The following C1orf21 variants were observed in gnomAD, a reference collection of about 807,000 sequenced individuals.
C1orf21 encodes chromosome 1 open reading frame 21.
Under a neutral mutation model 18.7 loss-of-function variants are expected in C1orf21, and 3 were observed. The ratio of observed to expected loss-of-function variants is 0.16; its 90% confidence interval spans 0.07 to 0.42. The LOEUF is 0.42. C1orf21 is among the 10% of genes least tolerant of loss of function. The probability of loss-of-function intolerance (pLI) is 0.99; values close to 1 mark genes in which losing one functional copy is unlikely to be tolerated. For missense variants in C1orf21, 104 were observed against 143.6 expected (o/e 0.72, Z 1.41); for synonymous variants, 41 against 46.4 (o/e 0.88, Z 0.47).
chr1:184,580,177 T>A (rs893792057), intron 3 of C1orf21, among the ~76,000 whole-genome samples: 2 of 152,228 alleles, frequency 1.3e-5, no homozygotes, highest in African/African-American at 4.8e-5. Flanking sequence ...TCACTTTTGC[T>A]TTATGTAGAC....
chr1:184,566,456 A>G, intron 3 of C1orf21: 1 of 239,764 alleles, frequency 4.2e-6, no homozygotes, highest in South Asian at 7.0e-5. Context: ...CGCCATATAT[A>G]TGAACTTGTT....
intron 3 of C1orf21, among the ~76,000 whole-genome samples, chr1:184,573,447 C>G (rs1020934862): frequency 6.6e-6 from 1 of 152,188 alleles, no homozygotes; most frequent in African/African-American, 2.4e-5. Context: ...GCCGAAGATT[C>G]ATTTGATGAA....
chr1:184,561,160 A>G (rs186759028), intron 3 of C1orf21, among the ~76,000 whole-genome samples: 2 of 152,326 alleles, frequency 1.3e-5, no homozygotes, highest in East Asian at 3.9e-4. Flanking sequence ...GGATTTGCCT[A>G]GCCCAACCTA....
intron 3 of C1orf21, among the ~76,000 whole-genome samples, chr1:184,558,327 C>T (rs573730331): frequency 6.6e-6 from 1 of 152,240 alleles, no homozygotes; most frequent in East Asian, 1.9e-4. Context: ...TTCTATGGCC[C>T]TGATTTGTGT....
chr1:184,616,980 G>A (rs1659836478), intron 5 of C1orf21, among the ~76,000 whole-genome samples: 1 of 152,158 alleles, frequency 6.6e-6, no homozygotes, highest in South Asian at 2.1e-4. Context: ...GACAGCTTAT[G>A]GTCATAGTCC....
intron 1 of C1orf21, among the ~76,000 whole-genome samples, chr1:184,476,390 A>G (rs1264638033): frequency 6.6e-6 from 1 of 152,162 alleles, no homozygotes; most frequent in Non-Finnish European, 1.5e-5. Context: ...AGGGATGGAA[A>G]CAAAGGAATG....
intron 5 of C1orf21, among the ~76,000 whole-genome samples, chr1:184,613,925 T>G (rs560610773): frequency 1.8e-4 from 28 of 151,944 alleles, no homozygotes; most frequent in Non-Finnish European, 3.5e-4. Context: ...GAAAATTGCT[T>G]GAACCTGGGA....
chr1:184,614,420 T>C (rs1659787058), intron 5 of C1orf21, among the ~76,000 whole-genome samples: 1 of 152,208 alleles, frequency 6.6e-6, no homozygotes, highest in Non-Finnish European at 1.5e-5. Flanking sequence ...GATGTGTGTA[T>C]TGGGCTGAAT....
At chr1:184,432,746 A>G (rs1217512151) in intron 1 of C1orf21, among the ~76,000 whole-genome samples, 1 of 152,198 alleles carries the variant, frequency 6.6e-6, no homozygotes, top group African/African-American at 2.4e-5. Context: ...TGCAAAATTT[A>G]TAGGCTTTTT....
intron 1 of C1orf21, among the ~76,000 whole-genome samples, chr1:184,397,142 A>C (rs1222739496): frequency 6.6e-6 from 1 of 152,194 alleles, no homozygotes; most frequent in East Asian, 1.9e-4. Context: ...TCTGTCAAAG[A>C]AAAGGGAGGA....
At chr1:184,604,595 C>T (rs1390246378) in intron 5 of C1orf21, among the ~76,000 whole-genome samples, 1 of 152,218 alleles carries the variant, frequency 6.6e-6, no homozygotes, top group Non-Finnish European at 1.5e-5. Flanking sequence ...CCTCATTCTT[C>T]AGCCAAATTA....
chr1:184,444,713 A>G (rs946158057), intron 1 of C1orf21, among the ~76,000 whole-genome samples: 6 of 152,134 alleles, frequency 3.9e-5, no homozygotes, highest in South Asian at 2.1e-4. Context: ...CCTTCTGTCC[A>G]TCTCACAAGA....
At chr1:184,601,848 C>CCGAG (rs1659589269) in intron 5 of C1orf21, among the ~76,000 whole-genome samples, 1 of 151,864 alleles carries the variant, frequency 6.6e-6, no homozygotes, top group Non-Finnish European at 1.5e-5. Context: ...TTGCAGTGAG[C>CCGAG]CGAGATCCTG....
chr1:184,499,552 T>C (rs1426432643), intron 2 of C1orf21, among the ~76,000 whole-genome samples: 2 of 152,186 alleles, frequency 1.3e-5, no homozygotes, highest in African/African-American at 2.4e-5. Flanking sequence ...CTTCTAACTT[T>C]TGCTCATCTC....
chr1:184,447,526 G>A (rs887540987), intron 1 of C1orf21, among the ~76,000 whole-genome samples: 2 of 152,144 alleles, frequency 1.3e-5, no homozygotes, highest in Non-Finnish European at 2.9e-5. Flanking sequence ...CTCAAAGATA[G>A]TATGTTTGGG....
intron 1 of C1orf21, among the ~76,000 whole-genome samples, chr1:184,438,657 C>T (rs964168485): frequency 1.3e-4 from 20 of 152,174 alleles, no homozygotes; most frequent in African/African-American, 3.9e-4. Context: ...GAAAATCCAT[C>T]GGCAGGTAGC....
chr1:184,591,156 A>G (rs1571292762), intron 4 of C1orf21, among the ~76,000 whole-genome samples: 1 of 152,200 alleles, frequency 6.6e-6, no homozygotes, highest in African/African-American at 2.4e-5. Context: ...CATGGAACCA[A>G]TCCCCCACAG....
intron 5 of C1orf21, among the ~76,000 whole-genome samples, chr1:184,613,478 A>C (rs1659770841): frequency 1.3e-5 from 2 of 152,216 alleles, no homozygotes; most frequent in South Asian, 2.1e-4. Flanking sequence ...TATTCATGTA[A>C]CAGGGCCTAT....
chr1:184,520,001 TGGAG>T (rs1303602648), intron 3 of C1orf21, among the ~76,000 whole-genome samples: 1 of 152,124 alleles, frequency 6.6e-6, no homozygotes, highest in Non-Finnish European at 1.5e-5. Flanking sequence ...ACATCTTCCT[TGGAG>T]GGAGGAGGAA....
Sources: allele counts gnomAD v4.1 joint callset (sites outside exome capture counted in the v4.1 genomes callset), GRCh38; gene constraint gnomAD v4.1.1; transcripts MANE v1.5; gene names NCBI Gene and HGNC (gene_info 2026-07-23, HGNC 2026-07-21).